SLC52A3: variants seen among roughly 807,000 people sequenced by gnomAD.
SLC52A3 encodes the protein solute carrier family 52 member 3.
In SLC52A3, 20 loss-of-function variants were observed where a neutral mutation model predicts 29.5. The ratio of observed to expected loss-of-function variants is 0.68; its 90% CI spans 0.48 to 0.99. SLC52A3 has a LOEUF of 0.99. SLC52A3 is among the 50% of genes least tolerant of loss of function. The pLI is 0.00. For synonymous variants in SLC52A3, 301 were observed against 271.0 expected, an observed-to-expected ratio of 1.11 and a Z score of -1.09; for missense variants, 548 against 612.9, an observed-to-expected ratio of 0.89 and a Z score of 1.12.
intron 1 of SLC52A3, among the ~76,000 whole-genome samples, chr20:774,670 G>A (rs2122555480): frequency 6.6e-6 from 1 of 152,352 alleles, no homozygotes; most frequent in African/African-American, 2.4e-5. Flanking sequence ...GGGGCGCTGG[G>A]AGCCTGGCCT....
Position 763,974 on chromosome 20 carries a change from G to T in SLC52A3, c.597C>A (p.Leu199=), listed in dbSNP as rs142019192. Residue 199 remains leucine, a synonymous_variant, in exon 3 of 5, where the codon CTC becomes CTA. Coordinates refer to ENST00000645534, the MANE Select transcript of SLC52A3 (RefSeq NM_033409.4). ...QGVPRALVSA[L]PGMEAPLSHL... The stretch of plus-strand genomic sequence containing the variant: ...GGGACAAGGGTGCTTCCATTCCGGG[G>T]AGGGCGGACACCAAAGCTCTGGGAA... 1 of 1,597,626 alleles carries T rather than the reference G, an allele frequency of 6.3e-7. No individual in the cohort carries two copies.
chr20:779,098 C>T (rs368294599), upstream of SLC52A3, among the ~76,000 whole-genome samples: 5 of 152,004 alleles, frequency 3.3e-5, no homozygotes, highest in African/African-American at 7.2e-5. Context: ...AGTCTACAGA[C>T]GTGAAGGAAG....
Position 763,901 on chromosome 20 carries a change from A to G in SLC52A3, c.670T>C (p.Phe224Leu), listed in dbSNP as rs267606685. 1.2e-6 allele frequency: 2 copies of G among 1,614,150 alleles called. No individual in the cohort carries two copies. Among genetic ancestry groups the G allele is most frequent in the Non-Finnish European group, 1.7e-6 (2 of 1,179,992 alleles). Residue 224 changes from phenylalanine (F) to leucine (L), a missense_variant, in exon 3 of 5, where the codon TTC (phenylalanine) becomes CTC (leucine). Physicochemically the swap from Phe to Leu is conservative, Grantham distance 22 (BLOSUM62 0). Around this residue, in one of 2 missense-constraint regions of SLC52A3, gnomAD observed 375 missense variants for 471.1 expected, o/e 0.80. Transcript: ENST00000645534. ...GCCATCATGATGGATAGGAGGAGGAAGAAGACCAGGGGTGAGAAGTGGGCG... is the reference window on the plus strand; with the variant it reads ...GCCATCATGATGGATAGGAGGAGGAGGAAGACCAGGGGTGAGAAGTGGGCG... ...LPAHFSPLVF[F>L]LLLSIMMACC... is the part of the protein sequence containing the mutation.
intron 1 of SLC52A3, among the ~76,000 whole-genome samples, chr20:773,797 G>A (rs1026656866): frequency 9.9e-5 from 15 of 152,200 alleles, no homozygotes; most frequent in African/African-American, 3.6e-4. Flanking sequence ...TGCATCAAAA[G>A]CTGTGAGCCC....
Position 764,036 on chromosome 20 carries a change from G to A in SLC52A3, c.568-33C>T, listed in dbSNP as rs1180779038. ...GGACAAGACAGATCCCTGGTCAGGG[G>A]AGGGGATCAGGCTGCAGAACAACAA... On this transcript the variant is annotated intron_variant, in intron 2 of 4. Transcript: ENST00000645534. The A allele has an allele frequency of 3.3e-6, 4 of 1,212,346 alleles. No homozygotes were observed. In the African/African-American group the frequency reaches 6.1e-5, roughly 18 times the overall value. The allele number at this position is 1,212,346 out of a possible 1,614,324, so 75.1% of individuals were successfully genotyped here.
rs1986637740 is a variant in SLC52A3 at position 765,270 on chromosome 20, C to T, written c.505G>A (p.Val169Ile). 6.2e-7 allele frequency: 1 copy of T among 1,614,178 alleles called. No individual in the cohort carries two copies. The highest frequency in any genetic ancestry group is 8.5e-7 in the Non-Finnish European group (1 of 1,180,028). Residue 169 changes from valine to isoleucine, a missense_variant, in exon 2 of 5, where the codon GTC (valine) becomes ATC (isoleucine). Val to Ile is a conservative substitution (Grantham distance 29). Coordinates refer to ENST00000645534, the MANE Select transcript of SLC52A3 (RefSeq NM_033409.4). This position sits in a 1 kb window ranked among gnomAD's most constrained non-coding sequence, Gnocchi z 6.6. ...QGSGLTTCVN[V>I]TEISDSVPSP... is the part of the protein sequence containing the mutation. ...GGTACGCTGTCTGATATCTCAGTGA[C>T]ATTGACGCAGGTAGTGAGACCGGAG...
At chr20:773,886 T>C (rs1219773201) in intron 1 of SLC52A3, among the ~76,000 whole-genome samples, 1 of 152,114 alleles carries the variant, frequency 6.6e-6, no homozygotes, top group Non-Finnish European at 1.5e-5. Flanking sequence ...GGCTGGGCCA[T>C]CTCCTCCAGG....
At chr20:775,345 G>C (rs1178395139) in intron 1 of SLC52A3, among the ~76,000 whole-genome samples, 1 of 150,488 alleles carries the variant, frequency 6.6e-6, no homozygotes, top group Non-Finnish European at 1.5e-5. Flanking sequence ...CATGATCTGA[G>C]CTCACTGCAG....
Position 764,017 on chromosome 20 carries a change from G to C in SLC52A3, c.568-14C>G, listed in dbSNP as rs1270590994. ...TCTGGGAACTCCCTGCAAAGGACAA[G>C]ACAGATCCCTGGTCAGGGGAGGGGA... On this transcript the variant is annotated splice_polypyrimidine_tract_variant and intron_variant, in intron 2 of 4. Coordinates refer to ENST00000645534, the MANE Select transcript of SLC52A3 (RefSeq NM_033409.4). The C allele has an allele frequency of 2.4e-6, 3 of 1,242,050 alleles. No individual in the cohort carries two copies. The Admixed American group carries it at 7.1e-5, about 29-fold the overall frequency. 76.9% of individuals were successfully genotyped at this position (1,242,050 alleles called of 1,614,324 possible). A position where few individuals can be genotyped will look rare whatever the true frequency, so the allele number is the denominator to read the frequency against.
rs761623830 is a variant in SLC52A3, at chr20:765,400, G to A, written c.375C>T (p.Thr125=). ...GCAGCCGGCTCATGAACGGCAGGAAGGTCACTGAAGAGGTGCAGTCCACCA... is the reference window on the plus strand; with the variant it reads ...GCAGCCGGCTCATGAACGGCAGGAAAGTCACTGAAGAGGTGCAGTCCACCA... ...LALVDCTSSV[T]FLPFMSRLPT... is the part of the protein sequence containing the mutation. Residue 125 remains threonine (T), a synonymous_variant, in exon 2 of 5, where the codon ACC becomes ACT. Transcript: ENST00000645534. The surrounding 1 kb of genome is among the most constrained non-coding windows in gnomAD (Gnocchi z 6.6). 1 of 1,614,072 alleles carries A rather than the reference G, an allele frequency of 6.2e-7. No homozygotes were observed. The highest frequency in any genetic ancestry group is 8.5e-7 in the Non-Finnish European group (1 of 1,179,986).
chr20:770,601 C>T (rs117142148), upstream of SLC52A3, among the ~76,000 whole-genome samples: 909 of 152,316 alleles, frequency 6.0e-3, 8 homozygotes, highest in Non-Finnish European at 6.7e-3. This position sits in a 1 kb window ranked among gnomAD's most constrained non-coding sequence, Gnocchi z 4.5. Flanking sequence ...TGTTCAAGAA[C>T]AATGTTAACA....
In SLC52A3 at chr20:763,678, G is replaced by T. The variant is rs543436922; in HGVS notation, c.893C>A (p.Ala298Glu). The change falls in exon 3 of 5, where the codon GCG (alanine) becomes GAG (glutamate). Residue 298 changes from alanine (A) to glutamate (E), a missense_variant. Around this residue, in one of 2 missense-constraint regions of SLC52A3, gnomAD observed 375 missense variants for 471.1 expected, o/e 0.80. Coordinates refer to ENST00000645534, the MANE Select transcript of SLC52A3 (RefSeq NM_033409.4). ...LEEKAAPCCP[A>E]HLAFIYTLVA... is the part of the protein sequence containing the mutation. ...CAGGGTATAGATGAAGGCCAGGTGC[G>T]CCGGGCAGCAGGGGGCTGCTTTCTC... is the stretch of plus-strand genomic sequence containing the variant. 4 of 1,614,178 alleles carry T rather than the reference G, an allele frequency of 2.5e-6. No individual in the cohort carries two copies. The highest frequency in any genetic ancestry group is 1.1e-5 in the South Asian group (1 of 91,080).
intron 1 of SLC52A3, among the ~76,000 whole-genome samples, chr20:775,177 C>A (rs1454226817): frequency 6.6e-6 from 1 of 152,194 alleles, no homozygotes; most frequent in East Asian, 1.9e-4. Context: ...CAACTCCCAG[C>A]CTCCTTCCCA....
chr20:776,203 G>T (rs934792939), upstream of SLC52A3, among the ~76,000 whole-genome samples: 1 of 152,162 alleles, frequency 6.6e-6, no homozygotes, highest in Non-Finnish European at 1.5e-5. Context: ...ATTTCATGAG[G>T]GTTGATCCCC....
chr20:774,695 G>A (rs145275222), intron 1 of SLC52A3, among the ~76,000 whole-genome samples: 1,807 of 152,306 alleles, frequency 0.012, 14 homozygotes, highest in Non-Finnish European at 0.02. Context: ...CACCCTCACT[G>A]TTCACAGCCA....
chr20:762,334 C>T (rs1182922796), intron 3 of SLC52A3, among the ~76,000 whole-genome samples: 2 of 152,214 alleles, frequency 1.3e-5, no homozygotes, highest in African/African-American at 4.8e-5. Flanking sequence ...GGAGACCCCT[C>T]CCCTTCTGGC....
At chr20:761,311 C>T (rs1986467063) in intron 4 of SLC52A3, 73 bp from the exon 5 acceptor site, 2 of 1,429,462 alleles carry the variant, frequency 1.4e-6, no homozygotes, top group African/African-American at 1.4e-5. Context: ...AGAACTCTCA[C>T]AGGGCTCAGG....
chr20:778,396 T>A (rs181031666), upstream of SLC52A3, among the ~76,000 whole-genome samples: 1 of 152,264 alleles, frequency 6.6e-6, no homozygotes, highest in African/African-American at 2.4e-5. Flanking sequence ...CATAACTGTG[T>A]CTCCGCCAAT....
chr20:762,358 C>T (rs971939356), intron 3 of SLC52A3, among the ~76,000 whole-genome samples: 1 of 152,210 alleles, frequency 6.6e-6, no homozygotes, highest in African/African-American at 2.4e-5. Flanking sequence ...AGCTACCTGC[C>T]TCTGCAATGT....
Sources: allele counts gnomAD v4.1 joint callset (sites outside exome capture counted in the v4.1 genomes callset), GRCh38; gene constraint gnomAD v4.1.1; regional missense constraint gnomAD v4.1.1; non-coding constraint Gnocchi (gnomAD v3.1); transcripts MANE v1.5; gene names NCBI Gene and HGNC (gene_info 2026-07-23, HGNC 2026-07-21).